The following TIAM2 variants were observed in gnomAD, a reference collection of about 807,000 sequenced individuals.
TIAM2 encodes the protein rho guanine nucleotide exchange factor TIAM2.
A neutral mutation model predicts 152.9 loss-of-function variants in TIAM2; 80 were observed. That is an observed-to-expected ratio of 0.52 (90% CI 0.44 to 0.63). The LOEUF is 0.63. Ranked by LOEUF, TIAM2 falls within the 30% of genes least tolerant of loss-of-function variation. The probability of loss-of-function intolerance (pLI) is 0.00; values close to 1 mark genes in which losing one functional copy is unlikely to be tolerated. For synonymous variants in TIAM2, 804 were observed against 838.0 expected, an observed-to-expected ratio of 0.96 and a Z score of 0.70; for missense variants, 1,965 against 2,120.1, an observed-to-expected ratio of 0.93 and a Z score of 1.44.
chr6:155,004,627 C>T (rs1173307700), intron 1 of TIAM2, among the ~76,000 whole-genome samples: 1 of 152,104 alleles, frequency 6.6e-6, no homozygotes, highest in Non-Finnish European at 1.5e-5. Context: ...ATCTCCTGAC[C>T]TTGTGATCTG....
intron 1 of TIAM2, among the ~76,000 whole-genome samples, chr6:154,999,223 A>ATTAT (rs1424447208): frequency 6.6e-6 from 1 of 151,482 alleles, no homozygotes; most frequent in Non-Finnish European, 1.5e-5. Context: ...TAATTAATTA[A>ATTAT]TTTTTTTGAG....
Position 155,256,693 on chromosome 6 carries a change from A to G in TIAM2, c.4678A>G (p.Asn1560Asp). The stretch of plus-strand genomic sequence containing the variant: ...CCCCGGCTTGGCAGATTTTGCCGAC[A>G]ATCTCATCAAAGAGAGTGACATCCT... The part of the protein sequence containing the change: ...PHPGLADFAD[N>D]LIKESDILSD... Residue 1560 changes from asparagine (N) to aspartate (D), a missense_variant, in exon 27 of 27, where the codon AAT (asparagine) becomes GAT (aspartate). Around this residue, in one of 3 missense-constraint regions of TIAM2, gnomAD observed 935 missense variants for 980.0 expected, o/e 0.95. Coordinates refer to ENST00000682666, the MANE Select transcript of TIAM2 (RefSeq NM_012454.4). 1 of 1,614,194 alleles carries G rather than the reference A, an allele frequency of 6.2e-7. No individual in the cohort carries two copies. Among genetic ancestry groups the G allele is most frequent in the Non-Finnish European group, 8.5e-7 (1 of 1,180,034 alleles).
rs1319519994 is a variant in TIAM2, at chr6:154,995,394, C to G, written c.-307C>G. On this transcript the variant is annotated 5_prime_UTR_variant, in exon 1 of 27. Coordinates refer to ENST00000682666, the MANE Select transcript of TIAM2 (RefSeq NM_012454.4). This position sits in a 1 kb window ranked among gnomAD's most constrained non-coding sequence, Gnocchi z 5.2. ...GTGGAGAACAAAGTGACCCCCAGAA[C>G]TTCTCCAACTCCTCCCGGCGTTCCC... 6.0e-5 allele frequency: 9 copies of G among 151,048 alleles called. No homozygotes were observed. The highest frequency in any genetic ancestry group is 2.2e-4 in the African/African-American group (9 of 41,338). 9.4% of individuals were successfully genotyped at this position (151,048 alleles called of 1,614,324 possible).
intron 1 of TIAM2, among the ~76,000 whole-genome samples, chr6:155,069,131 G>A (rs996173662): frequency 8.6e-5 from 13 of 151,886 alleles, no homozygotes; most frequent in Non-Finnish European, 1.8e-4. Flanking sequence ...GTCTTGCTCT[G>A]TCACCCAGGC....
At chr6:155,165,521 G>T in intron 9 of TIAM2, 112 bp downstream of exon 9, 1 of 1,423,966 alleles carries the variant, frequency 7.0e-7, no homozygotes, top group African/African-American at 1.4e-5. Flanking sequence ...GAAATGAGGC[G>T]AGGTGGGGTG....
intron 19 of TIAM2, 78 bp from the exon 20 acceptor site, chr6:155,247,922 A>C: frequency 6.7e-7 from 1 of 1,498,252 alleles, no homozygotes; most frequent in Non-Finnish European, 9.1e-7. Flanking sequence ...TAGATGATCT[A>C]TAAATGTTAA....
At chr6:155,255,512 C>G (rs1385660120) in intron 26 of TIAM2, 2 of 152,076 alleles carry the variant, frequency 1.3e-5, no homozygotes, top group Middle Eastern at 6.3e-3. Context: ...ACTATTTTCT[C>G]CATTGTCAAA....
Position 155,249,958 on chromosome 6 carries a change from A to G in TIAM2, c.3940A>G (p.Thr1314Ala). Residue 1314 changes from threonine to alanine, a missense_variant, in exon 21 of 27, where the codon ACA (threonine) becomes GCA (alanine). Coordinates refer to ENST00000682666, the MANE Select transcript of TIAM2 (RefSeq NM_012454.4). The stretch of plus-strand genomic sequence containing the variant: ...CCAGCTAGTAGCTGAGCAGAGCGGA[A>G]CAGAGAAGGAGGTCCGTGAGACATC... ...FDQLVAEQSGTEKEVTELSMG... is the reference protein window; with the variant it reads ...FDQLVAEQSGAEKEVTELSMG... 6.2e-7 allele frequency: 1 copy of G among 1,613,080 alleles called. No homozygotes were observed. Among genetic ancestry groups the G allele is most frequent in the East Asian group, 2.2e-5 (1 of 44,864 alleles).
rs769756084 is a variant in TIAM2 at position 155,251,846 on chromosome 6, C to T, written c.4061-99C>T. ...CAGAGTGAGGTCTTAGAGACTCATA[C>T]GTTTGGAGAGTGTTACTCTGTTAAG... On this transcript the variant is annotated intron_variant, in intron 22 of 26. Coordinates refer to ENST00000682666, the MANE Select transcript of TIAM2 (RefSeq NM_012454.4). 7.7e-6 allele frequency: 7 copies of T among 907,956 alleles called. No individual in the cohort carries two copies. In the East Asian group the frequency reaches 7.8e-5, roughly 10 times the overall value. The allele number at this position is 907,956 out of a possible 1,614,324, so 56.2% of individuals were successfully genotyped here.
At chr6:155,078,560 G>T (rs910850222) in intron 1 of TIAM2, among the ~76,000 whole-genome samples, 1 of 152,144 alleles carries the variant, frequency 6.6e-6, no homozygotes, top group African/African-American at 2.4e-5. Flanking sequence ...GGCCTCCCTG[G>T]TTCCTCACGT....
intron 2 of TIAM2, among the ~76,000 whole-genome samples, chr6:155,094,756 T>C (rs1306248161): frequency 1.3e-5 from 2 of 151,222 alleles, no homozygotes; most frequent in African/African-American, 2.4e-5. Flanking sequence ...GTTTTTTTGT[T>C]TTTTTTTGTA....
Position 155,257,065 on chromosome 6 carries a change from A to AC in TIAM2, c.5051dup (p.Ser1685IlefsTer5). ...GCGAGAATTCAGTGTCCAGAGTTTA[A>AC]CATCTGTTGTCAGTGAGGAGTGTTT... On this transcript the variant is annotated frameshift_variant, in exon 27 of 27. Transcript: ENST00000682666. LOFTEE classifies it high-confidence loss of function. The AC allele has an allele frequency of 6.2e-7, 1 of 1,614,174 alleles. No individual in the cohort carries two copies. Among genetic ancestry groups the AC allele is most frequent in the Non-Finnish European group, 8.5e-7 (1 of 1,180,020 alleles).
chr6:155,066,963 G>A (rs1482495748), intron 1 of TIAM2, among the ~76,000 whole-genome samples: 1 of 152,092 alleles, frequency 6.6e-6, no homozygotes, highest in Non-Finnish European at 1.5e-5. Flanking sequence ...TGCTATATTA[G>A]CCAGACTGGT....
intron 19 of TIAM2, among the ~76,000 whole-genome samples, chr6:155,246,213 G>A (rs545798862): frequency 6.6e-6 from 1 of 152,220 alleles, no homozygotes; most frequent in South Asian, 2.1e-4. Context: ...GTTGCTCTTC[G>A]GTGTTTCTCT....
chr6:155,183,244 A>C lies in TIAM2; in HGVS notation c.2808A>C (p.Arg936Ser). Residue 936 changes from arginine to serine, a missense_variant, in exon 14 of 27, where the codon AGA becomes AGC. Physicochemically the swap from Arg to Ser is moderately radical, Grantham distance 110. Around this residue, in one of 3 missense-constraint regions of TIAM2, gnomAD observed 935 missense variants for 980.0 expected, o/e 0.95. Coordinates refer to ENST00000682666, the MANE Select transcript of TIAM2 (RefSeq NM_012454.4). ...CTCCTTCCTTTTTCTCAGGGCTGAGAAAGGGCAATGAGATCATGACCTTAA... is the reference window on the plus strand; with the variant it reads ...CTCCTTCCTTTTTCTCAGGGCTGAGCAAGGGCAATGAGATCATGACCTTAA... ...PDGLAYGEGL[R>S]KGNEIMTLNG... is the part of the protein sequence containing the mutation. 1 of 1,612,842 alleles carries C rather than the reference A, an allele frequency of 6.2e-7. No homozygotes were observed.
In TIAM2 at chr6:155,150,653, A is replaced by G. The variant is rs1275035261; in HGVS notation, c.2028+2319A>G. ...ATACTGTAAAGCGGGTGGCTTATAAACAAGAGCAATTTATTTCTCAGAGTT... is the reference window on the plus strand; with the variant it reads ...ATACTGTAAAGCGGGTGGCTTATAAGCAAGAGCAATTTATTTCTCAGAGTT... On this transcript the variant is annotated intron_variant, in intron 7 of 26. Coordinates refer to ENST00000682666, the MANE Select transcript of TIAM2 (RefSeq NM_012454.4). Among the ~76,000 whole-genome samples the G allele has an allele frequency of 2.0e-5, 3 of 152,206 alleles. No individual in the cohort carries two copies. In the South Asian group the frequency reaches 6.2e-4, roughly 31 times the overall value.
chr6:155,251,290 C>T (rs1411022131), intron 22 of TIAM2, among the ~76,000 whole-genome samples: 2 of 152,092 alleles, frequency 1.3e-5, no homozygotes. Context: ...CTATCTTTTT[C>T]TTTTTCTTTT....
chr6:155,254,561 T>C lies in TIAM2; in HGVS notation c.4456T>C (p.Ser1486Pro). 6.2e-7 allele frequency: 1 copy of C among 1,611,374 alleles called. No individual in the cohort carries two copies. The highest frequency in any genetic ancestry group is 8.5e-7 in the Non-Finnish European group (1 of 1,177,554). ...ACCTCTTAAGAACCGAGTTCCTGTTTCGGCCAAATTAGGTGAGAATTTTGC... is the reference window on the plus strand; with the variant it reads ...ACCTCTTAAGAACCGAGTTCCTGTTCCGGCCAAATTAGGTGAGAATTTTGC... Reference protein sequence around the residue: ...LVPLKNRVPVSAKLASSRSLK... With the variant: ...LVPLKNRVPVPAKLASSRSLK... Residue 1486 changes from serine (S) to proline (P), a missense_variant, in exon 26 of 27, where the codon TCG (serine) becomes CCG (proline). Ser to Pro is a moderately conservative substitution (Grantham distance 74). Transcript: ENST00000682666.
intron 1 of TIAM2, among the ~76,000 whole-genome samples, chr6:155,067,984 C>T (rs1331966423): frequency 2.0e-5 from 3 of 152,094 alleles, no homozygotes; most frequent in Non-Finnish European, 4.4e-5. Context: ...TCCACCCAAC[C>T]ACACGTACAA....
Sources: allele counts gnomAD v4.1 joint callset (sites outside exome capture counted in the v4.1 genomes callset), GRCh38; gene constraint gnomAD v4.1.1; regional missense constraint gnomAD v4.1.1; non-coding constraint Gnocchi (gnomAD v3.1); transcripts MANE v1.5; gene names NCBI Gene and HGNC (gene_info 2026-07-23, HGNC 2026-07-21).